The following NACC1 variants were observed in gnomAD, a reference collection of about 807,000 sequenced individuals.
NACC1 encodes the protein nucleus accumbens associated 1, also known as nucleus accumbens-associated protein 1.
A neutral mutation model predicts 41.7 loss-of-function variants in NACC1; 6 were observed. The ratio of observed to expected loss-of-function variants is 0.14; its 90% CI spans 0.08 to 0.28. The LOEUF (loss-of-function observed/expected upper bound fraction) is 0.28. NACC1 is among the 10% of genes least tolerant of loss of function. The probability of loss-of-function intolerance (pLI) is 1.00; values close to 1 mark genes in which losing one functional copy is unlikely to be tolerated. For missense variants in NACC1, 434 were observed against 763.7 expected (o/e 0.57, Z 5.09); for synonymous variants, 338 against 330.6 (o/e 1.02, Z -0.24).
At chr19:13,129,873 G>A (rs960927856) in intron 1 of NACC1, among the ~76,000 whole-genome samples, 1 of 151,904 alleles carries the variant, frequency 6.6e-6, no homozygotes, top group African/African-American at 2.4e-5. Context: ...GCCAAATGGG[G>A]GGGTTCAAGA....
chr19:13,117,298 A>G (rs1388660852), upstream of NACC1, among the ~76,000 whole-genome samples: 1 of 152,186 alleles, frequency 6.6e-6, no homozygotes. Context: ...GCGACTTGTT[A>G]ACTCTGAACT....
intron 1 of NACC1, among the ~76,000 whole-genome samples, chr19:13,132,675 T>G (rs2019648421): frequency 6.6e-6 from 1 of 152,144 alleles, no homozygotes; most frequent in Non-Finnish European, 1.5e-5. Flanking sequence ...GCAGGGCCTG[T>G]GTCTTGCTTG....
intron 1 of NACC1, among the ~76,000 whole-genome samples, chr19:13,127,167 C>T (rs971514104): frequency 1.3e-5 from 2 of 151,294 alleles, no homozygotes; most frequent in Non-Finnish European, 1.5e-5. Context: ...AAGGATAAGT[C>T]AAGCAGGGAG....
rs2019777944 is a variant in NACC1, at chr19:13,140,665, G to C, written c.*2259G>C. ...AGAAGGGTCGGGCAGGGGGTGCAGG[G>C]GAGGAAACTCCTCACCAGGAGAGCC... On this transcript the variant is annotated 3_prime_UTR_variant, in exon 6 of 6. Coordinates refer to ENST00000292431, the MANE Select transcript of NACC1 (RefSeq NM_052876.4). This position sits in a 1 kb window ranked among gnomAD's most constrained non-coding sequence, Gnocchi z 4.0. 6.6e-6 allele frequency: 1 copy of C among 152,292 alleles called. No individual in the cohort carries two copies. The allele number at this position is 152,292 out of a possible 1,614,324, so 9.4% of individuals were successfully genotyped here.
intron 1 of NACC1, among the ~76,000 whole-genome samples, chr19:13,131,198 C>CA (rs1418752877): frequency 1.3e-5 from 2 of 152,218 alleles, no homozygotes; most frequent in Non-Finnish European, 2.9e-5. Flanking sequence ...GCACCTCCCA[C>CA]AAAGGAGGAT....
In NACC1 at chr19:13,141,087, A is replaced by G. The variant is rs1568388330; in HGVS notation, c.*2681A>G. ...GTAAGGAGAGGAGCGGCGTTGGCAA[A>G]TGTGAACCATGAGAATATCAGTGAT... On this transcript the variant is annotated 3_prime_UTR_variant, in exon 6 of 6. Coordinates refer to ENST00000292431, the MANE Select transcript of NACC1 (RefSeq NM_052876.4). 1 of 152,566 alleles carries G rather than the reference A, an allele frequency of 6.6e-6. No individual in the cohort carries two copies. The highest frequency in any genetic ancestry group is 2.4e-5 in the African/African-American group (1 of 41,422). 9.5% of individuals were successfully genotyped at this position (152,566 alleles called of 1,614,324 possible).
chr19:13,130,113 A>G lies in NACC1; in HGVS notation c.-8-5087A>G, dbSNP rs943312713. Among the ~76,000 whole-genome samples the G allele has an allele frequency of 8.5e-5, 13 of 152,116 alleles. No homozygotes were observed. The South Asian group carries it at 1.0e-3, about 12-fold the overall frequency. ...TGTTTTAGAGACAGGGTCTCGCTCT[A>G]TGACCCAGGCTGAAATATAGTGGCA... On this transcript the variant is annotated intron_variant, in intron 1 of 5. Transcript: ENST00000292431.
intron 1 of NACC1, among the ~76,000 whole-genome samples, chr19:13,120,937 T>A (rs1482917797): frequency 1.3e-5 from 2 of 152,196 alleles, no homozygotes; most frequent in African/African-American, 4.8e-5. Context: ...TGAGACAGTT[T>A]TATTTCACTG....
chr19:13,131,825 G>GCTAC (rs2019637311), intron 1 of NACC1: 1 of 152,164 alleles, frequency 6.6e-6, no homozygotes, highest in South Asian at 2.1e-4. Context: ...TAAGTGGTAG[G>GCTAC]GGCAGCAGAT....
chr19:13,130,599 G>C lies in NACC1; in HGVS notation c.-8-4601G>C, dbSNP rs181969943. Among the ~76,000 whole-genome samples the C allele has an allele frequency of 4.7e-4, 67 of 143,096 alleles. 2 individuals are homozygous for C. In the East Asian group the frequency reaches 0.011, roughly 24 times the overall value. The allele number at this position is 143,096 out of a possible 152,430, so 93.9% of individuals were successfully genotyped here. A position where few individuals can be genotyped will look rare whatever the true frequency, so the allele number is the denominator to read the frequency against. ...TGCCCAGGCTGGAGTGTAGTGACTC[G>C]ATCTCAGCTCACTGCAACCTCCACC... On this transcript the variant is annotated intron_variant, in intron 1 of 5. Transcript: ENST00000292431.
intron 1 of NACC1, among the ~76,000 whole-genome samples, chr19:13,123,690 G>A (rs1481942693): frequency 1.8e-4 from 27 of 152,212 alleles, no homozygotes; most frequent in Admixed American, 1.6e-3. Context: ...AAGAGCCCCA[G>A]CTCTGGGCTC....
upstream of NACC1, chr19:13,117,172 A>G (rs1053999563): frequency 1.3e-5 from 2 of 152,184 alleles, no homozygotes; most frequent in Non-Finnish European, 2.9e-5. Context: ...AGATTCCTGG[A>G]AAGTGTGCAA....
In NACC1 at chr19:13,135,981, G is replaced by T; in HGVS notation, c.774G>T (p.Thr258=). The T allele has an allele frequency of 6.2e-7, 1 of 1,610,528 alleles. No homozygotes were observed. The highest frequency in any genetic ancestry group is 1.3e-5 in the African/African-American group (1 of 75,018). Residue 258 remains threonine, a synonymous_variant, in exon 2 of 6, where the codon ACG becomes ACT. Coordinates refer to ENST00000292431, the MANE Select transcript of NACC1 (RefSeq NM_052876.4). The part of the protein sequence containing the change: ...AAGGVVSGPS[T]SERTSPGTSS... ...GGGGTGTGGTGAGTGGGCCCAGCAC[G>T]TCGGAGCGGACCAGCCCAGGCACCT...
chr19:13,117,905 T>G (rs1017788789), upstream of NACC1, among the ~76,000 whole-genome samples: 7 of 152,350 alleles, frequency 4.6e-5, no homozygotes, highest in Non-Finnish European at 8.8e-5. Context: ...AAAATGTTAC[T>G]GTGTAGTTTA....
intron 1 of NACC1, among the ~76,000 whole-genome samples, chr19:13,123,487 C>T (rs2019525534): frequency 6.6e-6 from 1 of 152,096 alleles, no homozygotes; most frequent in Admixed American, 6.5e-5. Flanking sequence ...CTGCTCATTC[C>T]CGGAGATGGT....
rs777737473 is a variant in NACC1, at chr19:13,135,579, C to T, written c.372C>T (p.Ser124=). ...EKGTEFFLKV[S]SPSCDSQGLH... ...GCACCGAGTTCTTCCTCAAGGTGAG[C>T]TCCCCGAGCTGCGACTCCCAGGGCC... The change falls in exon 2 of 6, where the codon AGC becomes AGT. Residue 124 remains serine, a synonymous_variant. Transcript: ENST00000292431. 6.2e-6 allele frequency: 10 copies of T among 1,600,942 alleles called. No homozygotes were observed. Among genetic ancestry groups the T allele is most frequent in the East Asian group, 2.3e-5 (1 of 44,264 alleles).
intron 1 of NACC1, among the ~76,000 whole-genome samples, chr19:13,118,842 G>T (rs2019448300): frequency 1.4e-5 from 2 of 145,246 alleles, no homozygotes; most frequent in South Asian, 4.6e-4. Flanking sequence ...AGGCCGAGTG[G>T]GGGAGGAGAG....
intron 1 of NACC1, among the ~76,000 whole-genome samples, chr19:13,126,434 T>G (rs1423256256): frequency 6.6e-6 from 1 of 152,168 alleles, no homozygotes; most frequent in African/African-American, 2.4e-5. Flanking sequence ...GACCATAGCA[T>G]CTGTCGACGG....
rs1002458636 is a variant in NACC1, at chr19:13,136,234, G to A, written c.949G>A (p.Glu317Lys). ...CGCGTGCCACTCTCTCCCTGCAGCC[G>A]AGAAGGTGGAGGCCCTCCCGGAGCA... ...YSMMNVGQTA[E>K]KVEALPEQVA... The change falls in exon 3 of 6, where the codon GAG becomes AAG. Residue 317 changes from glutamate (E) to lysine (K), a missense_variant and splice_region_variant. Physicochemically the swap from Glu to Lys is moderately conservative, Grantham distance 56. Coordinates refer to ENST00000292431, the MANE Select transcript of NACC1 (RefSeq NM_052876.4). The surrounding 1 kb of genome is among the most constrained non-coding windows in gnomAD (Gnocchi z 5.5). 2 of 1,611,940 alleles carry A rather than the reference G, an allele frequency of 1.2e-6. No individual in the cohort carries two copies. The highest frequency in any genetic ancestry group is 1.7e-6 in the Non-Finnish European group (2 of 1,178,640).
Sources: allele counts gnomAD v4.1 joint callset (sites outside exome capture counted in the v4.1 genomes callset), GRCh38; gene constraint gnomAD v4.1.1; non-coding constraint Gnocchi (gnomAD v3.1); transcripts MANE v1.5; gene names NCBI Gene and HGNC (gene_info 2026-07-23, HGNC 2026-07-21).